TTC34: variants seen among roughly 807,000 people sequenced by gnomAD.
The protein encoded by TTC34 is tetratricopeptide repeat domain 34.
A neutral mutation model predicts 40.7 loss-of-function variants in TTC34; 44 were observed. That is an observed-to-expected ratio of 1.08 (90% CI 0.85 to 1.39). The LOEUF is 1.39. TTC34 is among the 40% of genes most tolerant of loss of function. The pLI is 0.00. For synonymous variants in TTC34, 422 were observed against 398.6 expected (o/e 1.06, Z -0.70); for missense variants, 884 against 838.0 (o/e 1.05, Z -0.68).
chr1:2,644,980 A>G (rs1638989424), intron 7 of TTC34, among the ~76,000 whole-genome samples: 1 of 152,158 alleles, frequency 6.6e-6, no homozygotes, highest in Non-Finnish European at 1.5e-5. Flanking sequence ...GTGCCCGAGA[A>G]ACAACGACTG....
intron 6 of TTC34, among the ~76,000 whole-genome samples, chr1:2,646,288 C>T (rs1639020462): frequency 6.6e-6 from 1 of 152,106 alleles, no homozygotes; most frequent in African/African-American, 2.4e-5. Flanking sequence ...ATGTGAGATC[C>T]CCACAGCAGT....
At chr1:2,660,816 G>T (rs1390557781) in intron 6 of TTC34, among the ~76,000 whole-genome samples, 2 of 90,632 alleles carry the variant, frequency 2.2e-5, no homozygotes, top group East Asian at 3.6e-4. Context: ...CTGACAGCCT[G>T]GAACAGCACC....
intron 6 of TTC34, among the ~76,000 whole-genome samples, chr1:2,690,303 C>G (rs150785034): frequency 1.2e-4 from 3 of 25,778 alleles, no homozygotes; most frequent in Admixed American, 4.2e-4. Flanking sequence ...CCCACACCTC[C>G]AGGTGAGCAT....
chr1:2,777,919 C>T (rs559315917), intron 6 of TTC34, among the ~76,000 whole-genome samples: 53 of 152,320 alleles, frequency 3.5e-4, no homozygotes, highest in African/African-American at 9.6e-4. Flanking sequence ...CCAAGGATCC[C>T]TTGTGGCCAC....
chr1:2,794,032 G>C (rs1356465298), intron 2 of TTC34, among the ~76,000 whole-genome samples: 1 of 151,558 alleles, frequency 6.6e-6, no homozygotes, highest in African/African-American at 2.4e-5. Flanking sequence ...AATGTTTGCT[G>C]TTGCCCAGGC....
Position 2,645,582 on chromosome 1 carries a change from GGCGGGT to G in TTC34, c.2227-25_2227-20del. On this transcript the variant is annotated intron_variant, in intron 6 of 8. Transcript: ENST00000401095. The surrounding 1 kb of genome is among the most constrained non-coding windows in gnomAD (Gnocchi z 4.7). ...CGGCTTCCTGCAAGGAGGGAGGGCG[GGCGGGT>G]GCAGAGTTGTCCTAAGTAGAGAAAC... 1 of 1,322,434 alleles carries G rather than the reference GGCGGGT, an allele frequency of 7.6e-7. No individual in the cohort carries two copies. Among genetic ancestry groups the G allele is most frequent in the Non-Finnish European group, 1.0e-6 (1 of 997,712 alleles). The allele number at this position is 1,322,434 out of a possible 1,614,324, so 81.9% of individuals were successfully genotyped here.
At chr1:2,751,929 A>G (rs1175105254) in intron 6 of TTC34, among the ~76,000 whole-genome samples, 1 of 70,178 alleles carries the variant, frequency 1.4e-5, no homozygotes, top group African/African-American at 7.2e-5. Flanking sequence ...AGCACGCATA[A>G]CCACAGGTGA....
At position 2,789,986 on chromosome 1, in the gene TTC34, A is replaced by G. The variant is rs1643644131; in HGVS notation, c.1145T>C (p.Leu382Pro). Residue 382 changes from leucine to proline, a missense_variant, in exon 3 of 9, where the codon CTG (leucine) becomes CCG (proline). Physicochemically the swap from Leu to Pro is moderately conservative, Grantham distance 98 (BLOSUM62 -3). Transcript: ENST00000401095. Reference sequence around the variant, plus strand: ...GGCGCCCGCCGCGTCCCCTGCCAGCAGCAGGCACTCGGCGAGGCGGGCTCC... The same window carrying G: ...GGCGCCCGCCGCGTCCCCTGCCAGCGGCAGGCACTCGGCGAGGCGGGCTCC... 1.8e-5 allele frequency: 7 copies of G among 392,844 alleles called. No homozygotes were observed. In the Admixed American group the frequency reaches 2.7e-4, roughly 15 times the overall value. The allele number at this position is 392,844 out of a possible 1,614,324, so 24.3% of individuals were successfully genotyped here.
In TTC34 at chr1:2,692,433, A is replaced by G. The variant is rs78205301; in HGVS notation, c.2227-46870T>C. ...GGAGCAGCACCCACACCCCCAGGTG[A>G]GCATCTGACTGCCTGGAGCAGCACC... On this transcript the variant is annotated intron_variant, in intron 6 of 8. Transcript: ENST00000401095. Among the ~76,000 whole-genome samples the G allele has an allele frequency of 1.6e-5, 2 of 121,628 alleles. 1 individual carries two copies. The highest frequency in any genetic ancestry group is 6.3e-5 in the African/African-American group (2 of 31,972). 79.8% of individuals were successfully genotyped at this position (121,628 alleles called of 152,430 possible).
chr1:2,798,876 A>G (rs1643741088), intron 2 of TTC34, among the ~76,000 whole-genome samples: 1 of 118,842 alleles, frequency 8.4e-6, no homozygotes, highest in Non-Finnish European at 1.7e-5. Flanking sequence ...TCAGCCTCCA[A>G]GCCTCCCAGC....
chr1:2,749,351 C>T (rs1406639470), intron 6 of TTC34, among the ~76,000 whole-genome samples: 1 of 3,356 alleles, frequency 3.0e-4, no homozygotes, highest in Non-Finnish European at 5.8e-4. Flanking sequence ...CAGACTGGAA[C>T]AGCACCCACA....
rs984236958 is a variant in TTC34 at position 2,700,078 on chromosome 1, G to C, written c.2227-54515C>G. Reference sequence around the variant, plus strand: ...CCAGAGGTGAGCATATGACCACCTGGAGCAGCACCCACAGTCCCAGGTGAG... The same window carrying C: ...CCAGAGGTGAGCATATGACCACCTGCAGCAGCACCCACAGTCCCAGGTGAG... On this transcript the variant is annotated intron_variant, in intron 6 of 8. Transcript: ENST00000401095. 1.4e-4 allele frequency among the ~76,000 whole-genome samples: 17 copies of C among 122,248 alleles called. 1 individual carries two copies. The highest frequency in any genetic ancestry group is 2.7e-4 in the African/African-American group (10 of 37,634). 80.2% of individuals were successfully genotyped at this position (122,248 alleles called of 152,430 possible). A position where few individuals can be genotyped will look rare whatever the true frequency, so the allele number is the denominator to read the frequency against.
chr1:2,650,863 C>G (rs1639115720), intron 6 of TTC34, among the ~76,000 whole-genome samples: 1 of 150,806 alleles, frequency 6.6e-6, no homozygotes, highest in Non-Finnish European at 1.5e-5. Context: ...AAACCAGACC[C>G]ACACCACAGG....
intron 2 of TTC34, among the ~76,000 whole-genome samples, chr1:2,795,543 G>T (rs1643703899): frequency 6.6e-6 from 1 of 152,166 alleles, no homozygotes; most frequent in Non-Finnish European, 1.5e-5. Flanking sequence ...GGCCTCTGAG[G>T]CTTGGGCTCC....
intron 2 of TTC34, among the ~76,000 whole-genome samples, chr1:2,793,549 G>A (rs1431028548): frequency 1.3e-5 from 2 of 152,140 alleles, no homozygotes; most frequent in African/African-American, 4.8e-5. Flanking sequence ...AAGCCCACCT[G>A]TACATAGAAA....
intron 6 of TTC34, among the ~76,000 whole-genome samples, chr1:2,686,322 TCC>T (rs1640343833): frequency 9.1e-4 from 102 of 111,630 alleles, no homozygotes; most frequent in South Asian, 3.0e-3. Flanking sequence ...CACCCACACC[TCC>T]AGGCGAGCAT....
intron 6 of TTC34, among the ~76,000 whole-genome samples, chr1:2,752,984 A>G (rs1212290715): frequency 7.0e-6 from 1 of 143,312 alleles, no homozygotes; most frequent in Non-Finnish European, 1.5e-5. Context: ...CCCCCAGGTG[A>G]GCATCTGACC....
chr1:2,684,410 C>T (rs1423670004), intron 6 of TTC34, among the ~76,000 whole-genome samples: 16 of 144,978 alleles, frequency 1.1e-4, no homozygotes, highest in African/African-American at 4.0e-4. Context: ...AGGTGAGCAT[C>T]TGACAGACTG....
chr1:2,645,587 G>GGGGGGT lies in TTC34; in HGVS notation c.2227-25_2227-24insACCCCC. The GGGGGGT allele has an allele frequency of 8.7e-6, 2 of 229,532 alleles. No homozygotes were observed. The highest frequency in any genetic ancestry group is 3.8e-5 in the South Asian group (1 of 26,378). The allele number at this position is 229,532 out of a possible 1,614,324, so 14.2% of individuals were successfully genotyped here. Reference sequence around the variant, plus strand: ...TCCTGCAAGGAGGGAGGGCGGGCGGGTGCAGAGTTGTCCTAAGTAGAGAAA... The same window carrying GGGGGGT: ...TCCTGCAAGGAGGGAGGGCGGGCGGGGGGGGTTGCAGAGTTGTCCTAAGTAGAGAAA... On this transcript the variant is annotated intron_variant, in intron 6 of 8. Coordinates refer to ENST00000401095, the Ensembl canonical transcript of TTC34. The surrounding 1 kb of genome is among the most constrained non-coding windows in gnomAD (Gnocchi z 4.7).
Sources: allele counts gnomAD v4.1 joint callset (sites outside exome capture counted in the v4.1 genomes callset), GRCh38; gene constraint gnomAD v4.1.1; non-coding constraint Gnocchi (gnomAD v3.1); transcripts MANE v1.5; gene names NCBI Gene and HGNC (gene_info 2026-07-23, HGNC 2026-07-21).